Variants in CNTNAP4 observed in about 807,000 individuals in gnomAD.
CNTNAP4 encodes contactin-associated protein-like 4.
Under a neutral mutation model 148.4 loss-of-function variants are expected in CNTNAP4, and 98 were observed. The ratio of observed to expected loss-of-function variants is 0.66; its 90% CI spans 0.56 to 0.78. The LOEUF is 0.78. Ranked by LOEUF, CNTNAP4 falls within the 30% of genes least tolerant of loss-of-function variation. The probability of loss-of-function intolerance (pLI) is 0.00; values close to 1 mark genes in which losing one functional copy is unlikely to be tolerated. For missense variants in CNTNAP4, 1,935 were observed against 1,565.6 expected, an observed-to-expected ratio of 1.24 and a Z score of -3.98; for synonymous variants, 730 against 565.1, an observed-to-expected ratio of 1.29 and a Z score of -4.14.
intron 1 of CNTNAP4, among the ~76,000 whole-genome samples, chr16:76,297,225 C>T (rs1959406375): frequency 6.6e-6 from 1 of 152,124 alleles, no homozygotes; most frequent in Admixed American, 6.6e-5. Context: ...ATTTAGATTT[C>T]ATCATTTCTA....
At chr16:76,350,967 T>C (rs1354082342) in intron 2 of CNTNAP4, among the ~76,000 whole-genome samples, 1 of 152,006 alleles carries the variant, frequency 6.6e-6, no homozygotes, top group Non-Finnish European at 1.5e-5. Context: ...TGGGGACAAA[T>C]AGGAACTGGT....
intron 2 of CNTNAP4, among the ~76,000 whole-genome samples, chr16:76,351,076 T>C (rs1220635794): frequency 6.6e-6 from 1 of 152,148 alleles, no homozygotes; most frequent in African/African-American, 2.4e-5. Flanking sequence ...TAAGAATTGG[T>C]TTCTTAGGAT....
chr16:76,441,329 T>C (rs960574000), intron 4 of CNTNAP4, among the ~76,000 whole-genome samples: 1 of 152,184 alleles, frequency 6.6e-6, no homozygotes, highest in Non-Finnish European at 1.5e-5. Flanking sequence ...TCAAGAATAC[T>C]ACATCTGACA....
At position 76,427,519 on chromosome 16, in the gene CNTNAP4, G is replaced by C; in HGVS notation, c.458G>C (p.Arg153Thr). The C allele has an allele frequency of 6.2e-7, 1 of 1,613,304 alleles. No individual in the cohort carries two copies. The highest frequency in any genetic ancestry group is 8.5e-7 in the Non-Finnish European group (1 of 1,179,480). The stretch of plus-strand genomic sequence containing the variant: ...AGACTCCAGCCTTCTATCAAAGCCA[G>C]ATTTCTGCGCTTCATCCCTTTGGAA... ...YYRLQPSIKA[R>T]FLRFIPLEWN... Residue 153 changes from arginine (R) to threonine (T), a missense_variant, in exon 4 of 24, where the codon AGA becomes ACA. Transcript: ENST00000611870.
chr16:76,521,037 A>G (rs1303020694), intron 15 of CNTNAP4, 103 bp from the exon 16 acceptor site: 2 of 1,104,848 alleles, frequency 1.8e-6, no homozygotes, highest in Non-Finnish European at 2.6e-6. Flanking sequence ...AACATTTTAA[A>G]TAGCAAAAGT....
intron 13 of CNTNAP4, 68 bp downstream of exon 13, chr16:76,489,951 G>C: frequency 9.1e-7 from 1 of 1,097,860 alleles, no homozygotes; most frequent in Non-Finnish European, 1.2e-6. Flanking sequence ...TAGCTCCTGA[G>C]AATTTTAAGT....
rs1052784874 is a variant in CNTNAP4, at chr16:76,427,432, T to C, written c.391-20T>C. Reference sequence around the variant, plus strand: ...ATGTTCTCCAGATACATTGATGTGCTTCTTTCCCTTTTCTTTTAGGGTTTT... The same window carrying C: ...ATGTTCTCCAGATACATTGATGTGCCTCTTTCCCTTTTCTTTTAGGGTTTT... On this transcript the variant is annotated intron_variant, in intron 3 of 23. Coordinates refer to ENST00000611870, the MANE Select transcript of CNTNAP4 (RefSeq NM_033401.5). 1 of 1,597,372 alleles carries C rather than the reference T, an allele frequency of 6.3e-7. No individual in the cohort carries two copies.
At chr16:76,287,695 G>C (rs916339569) in intron 1 of CNTNAP4, 1 of 152,302 alleles carries the variant, frequency 6.6e-6, no homozygotes, top group African/African-American at 2.4e-5. Flanking sequence ...ATTTGGCTGA[G>C]ATGGCTGGTA....
intron 1 of CNTNAP4, among the ~76,000 whole-genome samples, chr16:76,300,939 T>C (rs1959896977): frequency 6.7e-6 from 1 of 150,020 alleles, no homozygotes; most frequent in South Asian, 2.1e-4. Flanking sequence ...TTTCCTTTTT[T>C]TTAAATTATT....
chr16:76,379,579 C>T (rs965803477), intron 3 of CNTNAP4, among the ~76,000 whole-genome samples: 11 of 152,140 alleles, frequency 7.2e-5, no homozygotes, highest in Admixed American at 3.3e-4. Flanking sequence ...CCGGAGGTCA[C>T]GTCCTAATTA....
intron 9 of CNTNAP4, among the ~76,000 whole-genome samples, chr16:76,467,130 T>A (rs1011004927): frequency 3.3e-5 from 5 of 152,210 alleles, no homozygotes; most frequent in African/African-American, 1.2e-4. Context: ...CACATTATTA[T>A]AATACTAGTG....
intron 4 of CNTNAP4, among the ~76,000 whole-genome samples, chr16:76,440,810 G>A (rs9888934): frequency 0.99 from 150,438 of 152,244 alleles, 74,353 homozygotes; most frequent in East Asian, 1. Flanking sequence ...TCAGTTCATG[G>A]TCTTGAATAT....
intron 17 of CNTNAP4, among the ~76,000 whole-genome samples, chr16:76,525,658 A>AT (rs2083695014): frequency 6.9e-6 from 1 of 145,856 alleles, no homozygotes; most frequent in Admixed American, 6.9e-5. Flanking sequence ...ATAAAATTAT[A>AT]TATAGTTATA....
At chr16:76,323,778 C>T (rs964208156) in intron 2 of CNTNAP4, among the ~76,000 whole-genome samples, 1 of 152,102 alleles carries the variant, frequency 6.6e-6, no homozygotes, top group African/African-American at 2.4e-5. Flanking sequence ...CTATGGCCCA[C>T]AGTCTTCAGC....
chr16:76,323,936 C>A (rs1436051063), intron 2 of CNTNAP4, among the ~76,000 whole-genome samples: 1 of 152,056 alleles, frequency 6.6e-6, no homozygotes, highest in African/African-American at 2.4e-5. Context: ...TTTTTTACCC[C>A]CTGGGTAGAG....
intron 4 of CNTNAP4, among the ~76,000 whole-genome samples, chr16:76,430,222 T>C (rs915708526): frequency 6.6e-6 from 1 of 152,202 alleles, no homozygotes; most frequent in Non-Finnish European, 1.5e-5. Context: ...CTGTAAAGAA[T>C]AAGCATCTTC....
chr16:76,439,609 G>A (rs1430176348), intron 4 of CNTNAP4, among the ~76,000 whole-genome samples: 2 of 152,090 alleles, frequency 1.3e-5, no homozygotes, highest in Non-Finnish European at 1.5e-5. Flanking sequence ...CTGTTTAAAA[G>A]ATTAATTTAC....
intron 14 of CNTNAP4, 22 bp from the exon 15 acceptor site, chr16:76,498,545 T>A: frequency 6.3e-7 from 1 of 1,597,958 alleles, no homozygotes; most frequent in Non-Finnish European, 8.5e-7. Context: ...TTAAGAATTT[T>A]GTTGTTGCTA....
At chr16:76,477,200 G>C (rs568177852) in intron 11 of CNTNAP4, among the ~76,000 whole-genome samples, 1 of 152,028 alleles carries the variant, frequency 6.6e-6, no homozygotes, top group East Asian at 1.9e-4. Flanking sequence ...CCTTTTTCCT[G>C]TATTACAAAT....
Sources: gnomAD v4.1 joint callset for allele counts (sites outside exome capture counted in the v4.1 genomes callset) on GRCh38, gnomAD v4.1.1 for gene constraint, MANE v1.5 for transcripts, NCBI Gene and HGNC (gene_info 2026-07-23, HGNC 2026-07-21) for gene names.